LRMDA: variants seen among roughly 807,000 people sequenced by gnomAD.
LRMDA encodes leucine rich melanocyte differentiation associated.
In LRMDA, 18 loss-of-function variants were observed where a neutral mutation model predicts 29.8. That is an observed-to-expected ratio of 0.60 (90% CI 0.42 to 0.90). The LOEUF (loss-of-function observed/expected upper bound fraction) is 0.90, where lower values mean the gene tolerates loss of function less well. LRMDA is among the 40% of genes least tolerant of loss of function. LRMDA has a pLI of 0.00. For synonymous variants in LRMDA, 125 were observed against 109.4 expected, an observed-to-expected ratio of 1.14 and a Z score of -0.89; for missense variants, 273 against 273.9, an observed-to-expected ratio of 1.00 and a Z score of 0.02.
intron 5 of LRMDA, among the ~76,000 whole-genome samples, chr10:76,257,311 CT>C (rs1472184476): frequency 6.6e-6 from 1 of 150,398 alleles, no homozygotes; most frequent in Admixed American, 6.7e-5. Context: ...AATATGCTAG[CT>C]ATGGCACTGG....
chr10:75,495,984 G>A (rs1291914120), intron 2 of LRMDA, among the ~76,000 whole-genome samples: 2 of 152,200 alleles, frequency 1.3e-5, no homozygotes, highest in East Asian at 3.8e-4. Flanking sequence ...CTGTCCTTTG[G>A]CAGCAGTGGA....
chr10:75,903,019 G>T (rs111650898), intron 2 of LRMDA, among the ~76,000 whole-genome samples: 1 of 152,178 alleles, frequency 6.6e-6, no homozygotes, highest in Non-Finnish European at 1.5e-5. Flanking sequence ...TAGTGAAAAC[G>T]CCCAGTCTAG....
At chr10:76,020,026 T>G (rs548195722) in intron 2 of LRMDA, among the ~76,000 whole-genome samples, 4 of 152,324 alleles carry the variant, frequency 2.6e-5, no homozygotes, top group Admixed American at 2.6e-4. Flanking sequence ...TGAGCCCAGA[T>G]AAGGGAGGGC....
chr10:75,438,792 G>C (rs73288985), intron 2 of LRMDA, among the ~76,000 whole-genome samples: 1,724 of 152,270 alleles, frequency 0.011, 42 homozygotes, highest in African/African-American at 0.04. Context: ...ATTTCTCACG[G>C]ATACCTGTGC....
At chr10:76,000,312 A>G (rs1478920940) in intron 2 of LRMDA, among the ~76,000 whole-genome samples, 6 of 152,114 alleles carry the variant, frequency 3.9e-5, no homozygotes, top group African/African-American at 1.4e-4. Flanking sequence ...AACGTGTGAA[A>G]TCTTGCAAAT....
intron 2 of LRMDA, among the ~76,000 whole-genome samples, chr10:75,605,897 A>T (rs1023664308): frequency 1.4e-4 from 22 of 152,034 alleles, no homozygotes. Context: ...TTGCTCTGTC[A>T]CTCAGGCTGG....
chr10:75,751,928 G>A (rs937883968), intron 2 of LRMDA, among the ~76,000 whole-genome samples: 1 of 152,042 alleles, frequency 6.6e-6, no homozygotes, highest in African/African-American at 2.4e-5. Context: ...TGCACAATGA[G>A]GAGGTTTTTC....
chr10:75,730,697 G>T (rs769966945), intron 2 of LRMDA, among the ~76,000 whole-genome samples: 1 of 152,082 alleles, frequency 6.6e-6, no homozygotes, highest in East Asian at 1.9e-4. Context: ...GCTTTTTCAG[G>T]TGATTGCAAA....
intron 2 of LRMDA, among the ~76,000 whole-genome samples, chr10:75,790,700 C>T (rs1398441432): frequency 6.6e-6 from 1 of 152,226 alleles, no homozygotes; most frequent in Non-Finnish European, 1.5e-5. Context: ...TCTGATTTGG[C>T]ATACATTTTG....
intron 5 of LRMDA, among the ~76,000 whole-genome samples, chr10:76,172,050 G>T (rs1052785470): frequency 2.6e-5 from 4 of 152,130 alleles, no homozygotes; most frequent in Non-Finnish European, 5.9e-5. Context: ...GAGAGAGGAA[G>T]CAAGGACCCC....
chr10:76,262,164 A>G (rs1024954154), intron 5 of LRMDA, among the ~76,000 whole-genome samples: 1 of 152,172 alleles, frequency 6.6e-6, no homozygotes, highest in African/African-American at 2.4e-5. Context: ...ACTTGAGCCT[A>G]GGAGTTCAAG....
intron 2 of LRMDA, among the ~76,000 whole-genome samples, chr10:75,925,457 T>G (rs1046498023): frequency 6.6e-6 from 1 of 152,170 alleles, no homozygotes; most frequent in African/African-American, 2.4e-5. Context: ...AGAAATATTT[T>G]GTGTATTTGA....
Position 76,255,897 on chromosome 10 carries a change from A to G in LRMDA, c.517-68504A>G, listed in dbSNP as rs578090294. On this transcript the variant is annotated intron_variant, in intron 5 of 6. Coordinates refer to ENST00000611255, the MANE Select transcript of LRMDA (RefSeq NM_001305581.2). Reference sequence around the variant, plus strand: ...TTTACTAAGATACAACTGACCAGCTATAAAGCAGATGAATAACATATGTAG... The same window carrying G: ...TTTACTAAGATACAACTGACCAGCTGTAAAGCAGATGAATAACATATGTAG... Among the ~76,000 whole-genome samples, 5 of 152,362 alleles carry G rather than the reference A, an allele frequency of 3.3e-5. No homozygotes were observed. In the South Asian group the frequency reaches 1.0e-3, roughly 32 times the overall value.
chr10:76,278,223 T>C (rs1021870654), intron 5 of LRMDA, among the ~76,000 whole-genome samples: 1 of 152,220 alleles, frequency 6.6e-6, no homozygotes, highest in Non-Finnish European at 1.5e-5. Flanking sequence ...TTCCAGTTTC[T>C]AAATCTGTGC....
chr10:76,044,416 C>T (rs1298957739), intron 3 of LRMDA, among the ~76,000 whole-genome samples: 1 of 150,038 alleles, frequency 6.7e-6, no homozygotes, highest in Admixed American at 6.6e-5. Flanking sequence ...AAGGGCAATA[C>T]TAGCAATGAG....
rs116263094 is a variant in LRMDA, at chr10:76,511,271, T to G, written c.602-45938T>G. Among the ~76,000 whole-genome samples the G allele has an allele frequency of 6.4e-3, 971 of 152,236 alleles. 8 individuals carry two copies. Among genetic ancestry groups the G allele is most frequent in the African/African-American group, 0.023 (942 of 41,548 alleles). ...GCACAAGTGGCTTTGGTTTCTACTG[T>G]GTGTGGGTGTGGGCTGGCATTAGGG... is the stretch of plus-strand genomic sequence containing the variant. On this transcript the variant is annotated intron_variant, in intron 6 of 6. Coordinates refer to ENST00000611255, the MANE Select transcript of LRMDA (RefSeq NM_001305581.2).
intron 6 of LRMDA, among the ~76,000 whole-genome samples, chr10:76,393,485 G>A (rs1841747382): frequency 6.6e-6 from 1 of 151,962 alleles, no homozygotes; most frequent in African/African-American, 2.4e-5. Flanking sequence ...GTCTGTTCAG[G>A]TCCTTTGCCC....
At chr10:75,464,734 C>A (rs1488800993) in intron 2 of LRMDA, among the ~76,000 whole-genome samples, 5 of 152,152 alleles carry the variant, frequency 3.3e-5, no homozygotes, top group Non-Finnish European at 5.9e-5. Context: ...AGACCCCCAG[C>A]AAAGTTAGAC....
At chr10:76,364,862 C>G (rs1001485692) in intron 6 of LRMDA, among the ~76,000 whole-genome samples, 1 of 151,380 alleles carries the variant, frequency 6.6e-6, no homozygotes, top group African/African-American at 2.4e-5. Flanking sequence ...CCCATCCTTC[C>G]CCCCAAGTCC....
Sources: gnomAD v4.1 joint callset for allele counts (sites outside exome capture counted in the v4.1 genomes callset) on GRCh38, gnomAD v4.1.1 for gene constraint, MANE v1.5 for transcripts, NCBI Gene and HGNC (gene_info 2026-07-23, HGNC 2026-07-21) for gene names.